The following TNIK variants were observed in gnomAD, a reference collection of about 807,000 sequenced individuals.
TNIK encodes the protein TRAF2 and NCK-interacting protein kinase.
In TNIK, 49 loss-of-function variants were observed where a neutral mutation model predicts 191.3. The observed-to-expected ratio is 0.26, with a 90% CI of 0.20 to 0.32. The LOEUF is 0.32. Among genes scored for constraint, TNIK ranks in the 10% least tolerant of loss-of-function variants. The probability of loss-of-function intolerance (pLI) is 1.00; values close to 1 mark genes in which losing one functional copy is unlikely to be tolerated. For synonymous variants in TNIK, 594 were observed against 600.9 expected (o/e 0.99, Z 0.17); for missense variants, 1,155 against 1,702.3 (o/e 0.68, Z 5.66).
At chr3:171,218,872 ATTT>A (rs1288534679) in intron 3 of TNIK, among the ~76,000 whole-genome samples, 2 of 132,448 alleles carry the variant, frequency 1.5e-5, no homozygotes, top group Non-Finnish European at 3.1e-5. Flanking sequence ...ATATAAATAT[ATTT>A]TATTTTTATA....
In TNIK at chr3:171,159,326, C is replaced by A. The variant is rs1244800084; in HGVS notation, c.1017-1662G>T. Among the ~76,000 whole-genome samples, 1 of 151,854 alleles carries A rather than the reference C, an allele frequency of 6.6e-6. No individual in the cohort carries two copies. Among genetic ancestry groups the A allele is most frequent in the Admixed American group, 6.6e-5 (1 of 15,246 alleles). ...GGCTGGGTGACGGTGGTAACGAGAACAGGAATGAGGAATGCTGAGGGAGGA... is the reference window on the plus strand; with the variant it reads ...GGCTGGGTGACGGTGGTAACGAGAAAAGGAATGAGGAATGCTGAGGGAGGA... On this transcript the variant is annotated intron_variant, in intron 11 of 32. Coordinates refer to ENST00000436636, the MANE Select transcript of TNIK (RefSeq NM_015028.4). The surrounding 1 kb of genome is among the most constrained non-coding windows in gnomAD (Gnocchi z 4.1).
chr3:171,248,975 A>G (rs545371442), intron 2 of TNIK, among the ~76,000 whole-genome samples: 17 of 152,358 alleles, frequency 1.1e-4, no homozygotes, highest in Non-Finnish European at 2.4e-4. Context: ...GACTAGGACG[A>G]CGTTATAAAT....
intron 2 of TNIK, among the ~76,000 whole-genome samples, chr3:171,335,238 TAAAAG>T (rs1398309302): frequency 2.0e-5 from 3 of 152,246 alleles, no homozygotes; most frequent in African/African-American, 4.8e-5. Flanking sequence ...GCTGGACAAA[TAAAAG>T]AAAATGCATA....
chr3:171,232,745 C>CCT (rs112696947), intron 2 of TNIK, among the ~76,000 whole-genome samples: 19,272 of 152,052 alleles, frequency 0.13, 2,077 homozygotes, highest in East Asian at 0.3. Context: ...ACTCTGCTCC[C>CCT]CTCTTCCCTT....
At chr3:171,166,444 C>T (rs1416499499) in intron 10 of TNIK, among the ~76,000 whole-genome samples, 1 of 152,094 alleles carries the variant, frequency 6.6e-6, no homozygotes, top group Non-Finnish European at 1.5e-5. Flanking sequence ...CCTGAGACTC[C>T]AAGTTTGGAC....
chr3:171,144,815 G>A (rs1208628315), intron 12 of TNIK, among the ~76,000 whole-genome samples: 1 of 152,152 alleles, frequency 6.6e-6, no homozygotes, highest in African/African-American at 2.4e-5. Flanking sequence ...TTCTTTCTAT[G>A]AGAGTGACAT....
At chr3:171,196,856 A>G (rs969517884) in intron 4 of TNIK, among the ~76,000 whole-genome samples, 2 of 152,046 alleles carry the variant, frequency 1.3e-5, no homozygotes, top group Admixed American at 1.3e-4. Flanking sequence ...TTGGGTTCAC[A>G]CCATTCTCCT....
intron 2 of TNIK, among the ~76,000 whole-genome samples, chr3:171,352,340 C>G (rs1022140036): frequency 1.3e-5 from 2 of 152,180 alleles, no homozygotes; most frequent in Non-Finnish European, 2.9e-5. Context: ...TTGGATTCCA[C>G]AAGGCTACCA....
At chr3:171,236,291 C>T (rs1560301973) in intron 2 of TNIK, among the ~76,000 whole-genome samples, 1 of 152,148 alleles carries the variant, frequency 6.6e-6, no homozygotes, top group East Asian at 1.9e-4. Flanking sequence ...TGTCTACTTC[C>T]GCGTGTCAGA....
At chr3:171,426,150 C>G (rs1275424498) in intron 1 of TNIK, among the ~76,000 whole-genome samples, 1 of 151,950 alleles carries the variant, frequency 6.6e-6, no homozygotes, top group Non-Finnish European at 1.5e-5. Context: ...GACTTGGAAC[C>G]AACCCAAATG....
At chr3:171,245,203 T>A (rs935391312) in intron 2 of TNIK, among the ~76,000 whole-genome samples, 5 of 152,180 alleles carry the variant, frequency 3.3e-5, no homozygotes, top group African/African-American at 1.2e-4. Flanking sequence ...ACTTTGAAGT[T>A]TCATTCTTCA....
chr3:171,278,665 C>T (rs1353018), intron 2 of TNIK, among the ~76,000 whole-genome samples: 74,048 of 151,884 alleles, frequency 0.49, 18,593 homozygotes, highest in African/African-American at 0.5. Flanking sequence ...CATTAAAAAA[C>T]AGGAGTATCC....
intron 1 of TNIK, among the ~76,000 whole-genome samples, chr3:171,427,833 G>C (rs72552400): frequency 0.045 from 6,790 of 152,218 alleles, 525 homozygotes; most frequent in African/African-American, 0.15. Context: ...ACTTATAAAA[G>C]AGTGTCCTGG....
chr3:171,451,384 A>G (rs1728158200), intron 1 of TNIK, among the ~76,000 whole-genome samples: 1 of 152,256 alleles, frequency 6.6e-6, no homozygotes, highest in African/African-American at 2.4e-5. Context: ...AAGCCTTCAG[A>G]AGATAGCTCA....
chr3:171,317,472 C>A (rs1754761320), intron 2 of TNIK, among the ~76,000 whole-genome samples: 1 of 152,116 alleles, frequency 6.6e-6, no homozygotes, highest in Non-Finnish European at 1.5e-5. Flanking sequence ...CACCAAAAGT[C>A]TTCGGTAATA....
rs575405479 is a variant in TNIK at position 171,115,246 on chromosome 3, G to A, written c.2121-4369C>T. On this transcript the variant is annotated intron_variant, in intron 18 of 32. Coordinates refer to ENST00000436636, the MANE Select transcript of TNIK (RefSeq NM_015028.4). ...TTTTCTTCCCTGGTGGTTGTGGTGTGGTAGCAGGATAGAGCTACTTGTTCT... is the reference window on the plus strand; with the variant it reads ...TTTTCTTCCCTGGTGGTTGTGGTGTAGTAGCAGGATAGAGCTACTTGTTCT... Among the ~76,000 whole-genome samples the A allele has an allele frequency of 2.0e-5, 3 of 152,318 alleles. No individual in the cohort carries two copies. The East Asian group carries it at 5.8e-4, about 29-fold the overall frequency.
intron 2 of TNIK, among the ~76,000 whole-genome samples, chr3:171,330,717 C>T (rs1374414090): frequency 6.6e-6 from 1 of 152,142 alleles, no homozygotes; most frequent in Non-Finnish European, 1.5e-5. Flanking sequence ...CCTTCTGTTC[C>T]CACTATATCC....
In TNIK at chr3:171,215,873, G is replaced by C. The variant is rs141669767; in HGVS notation, c.181-4632C>G. Among the ~76,000 whole-genome samples the C allele has an allele frequency of 9.9e-5, 15 of 152,210 alleles. No homozygotes were observed. The East Asian group carries it at 2.9e-3, about 29-fold the overall frequency. The stretch of plus-strand genomic sequence containing the variant: ...CTGCCCAACATTTAACTCTCAATCC[G>C]TGGCAGAGGAATGAAACTATGCAAT... On this transcript the variant is annotated intron_variant, in intron 3 of 32. Coordinates refer to ENST00000436636, the MANE Select transcript of TNIK (RefSeq NM_015028.4).
intron 32 of TNIK, 53 bp downstream of exon 32, chr3:171,066,134 C>T: frequency 6.2e-7 from 1 of 1,600,452 alleles, no homozygotes; most frequent in African/African-American, 1.3e-5. Flanking sequence ...TTCACAGGTA[C>T]CTGGTGGTCT....
Sources: gnomAD v4.1 joint callset for allele counts (sites outside exome capture counted in the v4.1 genomes callset) on GRCh38, gnomAD v4.1.1 for gene constraint, Gnocchi (gnomAD v3.1) non-coding constraint, MANE v1.5 for transcripts, NCBI Gene and HGNC (gene_info 2026-07-23, HGNC 2026-07-21) for gene names.